RPS6KA2: variants seen among roughly 807,000 people sequenced by gnomAD.
The protein encoded by RPS6KA2 is ribosomal protein S6 kinase A2.
RPS6KA2 carries 42 observed loss-of-function variants against 91.8 expected under a neutral mutation model. The observed-to-expected ratio is 0.46, with a 90% CI of 0.36 to 0.59. The LOEUF is 0.59. Among genes scored for constraint, RPS6KA2 ranks in the 20% least tolerant of loss-of-function variants. The probability of loss-of-function intolerance (pLI) is 0.00; values close to 1 mark genes in which losing one functional copy is unlikely to be tolerated. For synonymous variants in RPS6KA2, 414 were observed against 393.6 expected (o/e 1.05, Z -0.61); for missense variants, 798 against 978.5 (o/e 0.82, Z 2.46).
Position 166,498,418 on chromosome 6 carries a change from CG to C in RPS6KA2, c.747+89del. On this transcript the variant is annotated intron_variant, in intron 8 of 20. Coordinates refer to ENST00000265678, the MANE Select transcript of RPS6KA2 (RefSeq NM_021135.6). ...CAAGCCCTCAGGCACTGCCTTCTTCCGCATTTCGGGACCTCTGAACCAACCT... is the reference window on the plus strand; with the variant it reads ...CAAGCCCTCAGGCACTGCCTTCTTCCCATTTCGGGACCTCTGAACCAACCT... 2.8e-6 allele frequency: 4 copies of C among 1,414,688 alleles called. No individual in the cohort carries two copies. The South Asian group carries it at 6.0e-5, about 21-fold the overall frequency. The allele number at this position is 1,414,688 out of a possible 1,614,324, so 87.6% of individuals were successfully genotyped here.
rs545134581 is a variant in RPS6KA2, at chr6:166,840,928, A to T, written c.123+17272T>A. Among the ~76,000 whole-genome samples, 9 of 151,712 alleles carry T rather than the reference A, an allele frequency of 5.9e-5. No homozygotes were observed. The East Asian group carries it at 1.7e-3, about 29-fold the overall frequency. On this transcript the variant is annotated intron_variant, in intron 2 of 21. Transcript: ENST00000503859. The stretch of plus-strand genomic sequence containing the variant: ...CGGTGAGCTGAGATCGTGCCATTAC[A>T]CTCCAGCCTGGGCAACAAGAGCGAA...
chr6:166,736,913 T>C (rs1790685207), intron 2 of RPS6KA2, among the ~76,000 whole-genome samples: 1 of 149,712 alleles, frequency 6.7e-6, no homozygotes, highest in African/African-American at 2.5e-5. Flanking sequence ...GAAAACAGAA[T>C]ATCTCCTAGC....
intron 2 of RPS6KA2, among the ~76,000 whole-genome samples, chr6:166,670,815 A>G (rs1490721309): frequency 6.6e-6 from 1 of 152,140 alleles, no homozygotes; most frequent in Non-Finnish European, 1.5e-5. Flanking sequence ...TAAGTGTCCA[A>G]CACGTTATTT....
At position 166,419,809 on chromosome 6, in the gene RPS6KA2, T is replaced by C; in HGVS notation, c.1820+73A>G. On this transcript the variant is annotated intron_variant, in intron 18 of 20. Coordinates refer to ENST00000265678, the MANE Select transcript of RPS6KA2 (RefSeq NM_021135.6). The surrounding 1 kb of genome is among the most constrained non-coding windows in gnomAD (Gnocchi z 5.6). Reference sequence around the variant, plus strand: ...CACACTAGGACAGGGCTGGCCCTGGTCCCCTGACAGATCAGCCACTGAGGC... The same window carrying C: ...CACACTAGGACAGGGCTGGCCCTGGCCCCCTGACAGATCAGCCACTGAGGC... 7.3e-7 allele frequency: 1 copy of C among 1,375,880 alleles called. No homozygotes were observed. Among genetic ancestry groups the C allele is most frequent in the Non-Finnish European group, 1.0e-6 (1 of 965,304 alleles). 85.2% of individuals were successfully genotyped at this position (1,375,880 alleles called of 1,614,324 possible).
In RPS6KA2 at chr6:166,480,479, T is replaced by TTATATATA. The variant is rs3066214; in HGVS notation, c.907+8346_907+8353dup. On this transcript the variant is annotated intron_variant, in intron 10 of 20. Transcript: ENST00000265678. ...TCTTATATTCCTTAAGATTGTGATT[T>TTATATATA]TATATATATATATATATATATATAT... Among the ~76,000 whole-genome samples, 964 of 99,682 alleles carry TTATATATA rather than the reference T, an allele frequency of 9.7e-3. 18 individuals are homozygous for TTATATATA. Among genetic ancestry groups the TTATATATA allele is most frequent in the African/African-American group, 0.031 (638 of 20,856 alleles). 65.4% of individuals were successfully genotyped at this position (99,682 alleles called of 152,430 possible). A position where few individuals can be genotyped will look rare whatever the true frequency, so the allele number is the denominator to read the frequency against.
At chr6:166,777,919 G>A (rs376363615) in intron 2 of RPS6KA2, among the ~76,000 whole-genome samples, 4 of 152,152 alleles carry the variant, frequency 2.6e-5, no homozygotes, top group East Asian at 3.8e-4. Flanking sequence ...TTACAGAAAA[G>A]ATGAGTAACT....
intron 2 of RPS6KA2, chr6:166,702,332 A>C: frequency 6.2e-7 from 1 of 1,613,304 alleles, no homozygotes; most frequent in East Asian, 2.2e-5. Flanking sequence ...TCGGGGCTGC[A>C]GAAAGGGGTT....
At chr6:166,633,041 C>T (rs1014961778) in intron 2 of RPS6KA2, among the ~76,000 whole-genome samples, 4 of 152,218 alleles carry the variant, frequency 2.6e-5, no homozygotes, top group African/African-American at 9.6e-5. Context: ...ATGGCAAAAC[C>T]CATGTTTTCT....
At chr6:166,475,916 T>C in intron 10 of RPS6KA2, 1 of 466,768 alleles carries the variant, frequency 2.1e-6, no homozygotes, top group Non-Finnish European at 4.5e-6. Flanking sequence ...TTATGCCATC[T>C]CTTCCAGCTG....
intron 2 of RPS6KA2, among the ~76,000 whole-genome samples, chr6:166,532,844 AGTGT>A (rs369394546): frequency 6.6e-4 from 98 of 149,572 alleles, no homozygotes; most frequent in African/African-American, 1.3e-3. Flanking sequence ...AGAGAGAGAG[AGTGT>A]GTGTGTGTGT....
chr6:166,501,225 A>G (rs7740060), intron 6 of RPS6KA2, among the ~76,000 whole-genome samples: 68,169 of 152,124 alleles, frequency 0.45, 17,175 homozygotes, highest in East Asian at 0.69. Flanking sequence ...GGAAGGTCTA[A>G]GAGCCCTCCA....
rs1204114214 is a variant in RPS6KA2 at position 166,648,197 on chromosome 6, TACACACACTCATGC to T, written c.124-109427_124-109414del. Among the ~76,000 whole-genome samples the T allele has an allele frequency of 1.5e-5, 1 of 65,800 alleles. No individual in the cohort carries two copies. Among genetic ancestry groups the T allele is most frequent in the South Asian group, 5.7e-4 (1 of 1,760 alleles). The allele number at this position is 65,800 out of a possible 152,430, so 43.2% of individuals were successfully genotyped here. A position where few individuals can be genotyped will look rare whatever the true frequency, so the allele number is the denominator to read the frequency against. ...GCTCACACACATGCACACATGCTCA[TACACACACTCATGC>T]ACACACACGCACATGCGCACACACA... On this transcript the variant is annotated intron_variant, in intron 2 of 21. Coordinates refer to the RPS6KA2 transcript ENST00000503859. The surrounding 1 kb of genome is among the most constrained non-coding windows in gnomAD (Gnocchi z 4.8).
At chr6:166,463,338 C>T (rs781464294) in intron 11 of RPS6KA2, 7 of 152,154 alleles carry the variant, frequency 4.6e-5, no homozygotes, top group East Asian at 1.9e-4. Flanking sequence ...CTGAGCTTAA[C>T]GAGACAGACA....
At chr6:166,416,591 G>A (rs999615181) in intron 19 of RPS6KA2, among the ~76,000 whole-genome samples, 1 of 147,648 alleles carries the variant, frequency 6.8e-6, no homozygotes, top group Non-Finnish European at 1.5e-5. Context: ...GATCACTCCC[G>A]CCACCTCTGC....
At chr6:166,600,956 G>T (rs114002962) in intron 1 of RPS6KA2, among the ~76,000 whole-genome samples, 1,836 of 152,196 alleles carry the variant, frequency 0.012, 47 homozygotes, top group African/African-American at 0.042. Context: ...AAAATACTCT[G>T]CATATCCAAT....
At chr6:166,628,514 A>T (rs1048275068), upstream of RPS6KA2, among the ~76,000 whole-genome samples, 1 of 152,240 alleles carries the variant, frequency 6.6e-6, no homozygotes, top group Non-Finnish European at 1.5e-5. Flanking sequence ...TATTTTGGCT[A>T]AGGTGGGTAG....
At chr6:166,604,189 C>T (rs1785853195) in intron 1 of RPS6KA2, among the ~76,000 whole-genome samples, 1 of 152,160 alleles carries the variant, frequency 6.6e-6, no homozygotes, top group Non-Finnish European at 1.5e-5. Context: ...GACAGCTCTG[C>T]ATGGAGATGT....
intron 2 of RPS6KA2, among the ~76,000 whole-genome samples, chr6:166,824,755 G>A (rs576754668): frequency 5.0e-5 from 7 of 139,364 alleles, no homozygotes; most frequent in African/African-American, 1.6e-4. Context: ...CTGTATGTCT[G>A]TGTGTGTGTC....
Position 166,508,135 on chromosome 6 carries a change from C to T in RPS6KA2, c.459+68G>A, listed in dbSNP as rs1490302328. On this transcript the variant is annotated intron_variant, in intron 5 of 20. Transcript: ENST00000265678. The surrounding 1 kb of genome is among the most constrained non-coding windows in gnomAD (Gnocchi z 4.3). ...CTCACGTCCTCTCAATGCTCTCCAC[C>T]CCTCCTCCCCTCGAGTCCCAGACAG... 6.0e-6 allele frequency: 6 copies of T among 1,003,746 alleles called. No homozygotes were observed. In the East Asian group the frequency reaches 1.4e-4, roughly 24 times the overall value. The allele number at this position is 1,003,746 out of a possible 1,614,324, so 62.2% of individuals were successfully genotyped here.
Sources: allele counts gnomAD v4.1 joint callset (sites outside exome capture counted in the v4.1 genomes callset), GRCh38; gene constraint gnomAD v4.1.1; non-coding constraint Gnocchi (gnomAD v3.1); transcripts MANE v1.5; gene names NCBI Gene and HGNC (gene_info 2026-07-23, HGNC 2026-07-21).